ZNF207: variants seen among roughly 807,000 people sequenced by gnomAD.
The protein encoded by ZNF207 is BUB3-interacting and GLEBS motif-containing protein ZNF207.
In ZNF207, 24 loss-of-function variants were observed where a neutral mutation model predicts 60.2. The observed-to-expected ratio is 0.40, with a 90% confidence interval of 0.29 to 0.56. The LOEUF (loss-of-function observed/expected upper bound fraction) is 0.56, where lower values mean the gene tolerates loss of function less well. Ranked by LOEUF, ZNF207 falls within the 20% of genes least tolerant of loss-of-function variation. The pLI, the probability that ZNF207 is intolerant of heterozygous loss-of-function variation, is 0.49. For synonymous variants in ZNF207, 236 were observed against 194.7 expected, an observed-to-expected ratio of 1.21 and a Z score of -1.77; for missense variants, 452 against 636.6, an observed-to-expected ratio of 0.71 and a Z score of 3.12.
In ZNF207 at chr17:32,380,055, T is replaced by TA. The variant is rs976909789; in HGVS notation, c.*10297dup. On this transcript the variant is annotated 3_prime_UTR_variant, in exon 12 of 12. Transcript: ENST00000394670. Reference sequence around the variant, plus strand: ...TAAAATCTGAAAATCAATACCTGAGTATGTGATGTGGCAATGCATTCTTCT... The same window carrying TA: ...TAAAATCTGAAAATCAATACCTGAGTAATGTGATGTGGCAATGCATTCTTCT... 19 of 152,542 alleles carry TA rather than the reference T, an allele frequency of 1.2e-4. No individual in the cohort carries two copies. The highest frequency in any genetic ancestry group is 1.0e-3 in the Admixed American group (16 of 15,264). 9.4% of individuals were successfully genotyped at this position (152,542 alleles called of 1,614,324 possible). A position where few individuals can be genotyped will look rare whatever the true frequency, so the allele number is the denominator to read the frequency against.
At position 32,373,256 on chromosome 17, in the gene ZNF207, T is replaced by C. The variant is rs1905545443; in HGVS notation, c.*3497T>C. The C allele has an allele frequency of 2.1e-6, 1 of 480,738 alleles. No homozygotes were observed. The highest frequency in any genetic ancestry group is 3.7e-6 in the Non-Finnish European group (1 of 269,204). The allele number at this position is 480,738 out of a possible 1,614,324, so 29.8% of individuals were successfully genotyped here. On this transcript the variant is annotated 3_prime_UTR_variant, in exon 12 of 12. Transcript: ENST00000394670. ...AAAGAAGTACGGGCTCAGAGTGGAA[T>C]TGTAGTGGACAATAGTTAAAAACAA... is the stretch of plus-strand genomic sequence containing the variant.
At position 32,381,596 on chromosome 17, in the gene ZNF207, A is replaced by G. The variant is rs1296141342; in HGVS notation, c.*11837A>G. 6.6e-6 allele frequency: 1 copy of G among 152,198 alleles called. No individual in the cohort carries two copies. The highest frequency in any genetic ancestry group is 1.5e-5 in the Non-Finnish European group (1 of 68,038). The allele number at this position is 152,198 out of a possible 1,614,324, so 9.4% of individuals were successfully genotyped here. A position where few individuals can be genotyped will look rare whatever the true frequency, so the allele number is the denominator to read the frequency against. ...CTGAGATGTTCCTTAACATGTAGCC[A>G]TGTAATTAGAACTCACAAGGGGCAT... is the stretch of plus-strand genomic sequence containing the variant. On this transcript the variant is annotated 3_prime_UTR_variant, in exon 12 of 12. Coordinates refer to ENST00000394670, the MANE Select transcript of ZNF207 (RefSeq NM_001098507.2).
chr17:32,366,575 AT>A, intron 8 of ZNF207, 89 bp from the exon 9 acceptor site: 1 of 1,003,916 alleles, frequency 1.0e-6, no homozygotes, highest in Middle Eastern at 2.2e-4. Flanking sequence ...GCATTTACAA[AT>A]ATGCAATCTA....
chr17:32,373,409 G>T lies in ZNF207; in HGVS notation c.*3650G>T. The T allele has an allele frequency of 1.4e-6, 1 of 691,680 alleles. No individual in the cohort carries two copies. Among genetic ancestry groups the T allele is most frequent in the South Asian group, 1.5e-5 (1 of 65,386 alleles). 42.8% of individuals were successfully genotyped at this position (691,680 alleles called of 1,614,324 possible). A position where few individuals can be genotyped will look rare whatever the true frequency, so the allele number is the denominator to read the frequency against. ...TTCTTCTTCCTATAGCCCTGCCATA[G>T]GACAGGCTGAGGCTGAGTCTCAGTG... On this transcript the variant is annotated 3_prime_UTR_variant, in exon 12 of 12. Transcript: ENST00000394670.
Position 32,370,590 on chromosome 17 carries a change from G to A in ZNF207, c.*831G>A, listed in dbSNP as rs1905423551. 2 of 152,202 alleles carry A rather than the reference G, an allele frequency of 1.3e-5. No individual in the cohort carries two copies. Among genetic ancestry groups the A allele is most frequent in the African/African-American group, 4.8e-5 (2 of 41,444 alleles). 9.4% of individuals were successfully genotyped at this position (152,202 alleles called of 1,614,324 possible). A position where few individuals can be genotyped will look rare whatever the true frequency, so the allele number is the denominator to read the frequency against. On this transcript the variant is annotated 3_prime_UTR_variant, in exon 12 of 12. Transcript: ENST00000394670. Reference sequence around the variant, plus strand: ...AGATACATGAGTCATTACATAATGGGTATGAAATCTTTATAATCACCCTTC... The same window carrying A: ...AGATACATGAGTCATTACATAATGGATATGAAATCTTTATAATCACCCTTC...
chr17:32,376,804 A>G lies in ZNF207; in HGVS notation c.*7045A>G, dbSNP rs1186214226. The G allele has an allele frequency of 6.6e-6, 1 of 152,078 alleles. No homozygotes were observed. Among genetic ancestry groups the G allele is most frequent in the East Asian group, 1.9e-4 (1 of 5,198 alleles). 9.4% of individuals were successfully genotyped at this position (152,078 alleles called of 1,614,324 possible). On this transcript the variant is annotated 3_prime_UTR_variant, in exon 12 of 12. Coordinates refer to ENST00000394670, the MANE Select transcript of ZNF207 (RefSeq NM_001098507.2). Reference sequence around the variant, plus strand: ...CCTCAGAGGAGGTACATGTGAGTAAACTGTCTTAATGGTTGATTACTTGGA... The same window carrying G: ...CCTCAGAGGAGGTACATGTGAGTAAGCTGTCTTAATGGTTGATTACTTGGA...
chr17:32,360,179 C>A lies in ZNF207; in HGVS notation c.308-419C>A, dbSNP rs1359446105. 2.8e-5 allele frequency among the ~76,000 whole-genome samples: 3 copies of A among 105,630 alleles called. No individual in the cohort carries two copies. In the South Asian group the frequency reaches 8.9e-4, roughly 31 times the overall value. The allele number at this position is 105,630 out of a possible 152,430, so 69.3% of individuals were successfully genotyped here. ...AAAAGTTCAAGACCTCACCTTTACCCCCCCCCCAAAAAAAAAAAAAAAAAG... is the reference window on the plus strand; with the variant it reads ...AAAAGTTCAAGACCTCACCTTTACCACCCCCCCAAAAAAAAAAAAAAAAAG... On this transcript the variant is annotated intron_variant, in intron 3 of 11. Coordinates refer to ENST00000394670, the MANE Select transcript of ZNF207 (RefSeq NM_001098507.2).
At chr17:32,353,618 C>T (rs1904321767) in intron 2 of ZNF207, among the ~76,000 whole-genome samples, 1 of 136,508 alleles carries the variant, frequency 7.3e-6, no homozygotes, top group Non-Finnish European at 1.5e-5. Context: ...CCCATCTCTA[C>T]AAATACCAAA....
chr17:32,369,074 G>T (rs558010636), intron 10 of ZNF207: 25 of 487,010 alleles, frequency 5.1e-5, no homozygotes, highest in Admixed American at 3.2e-4. Context: ...GTAATTCCCG[G>T]AAAGTTGTTA....
At position 32,351,831 on chromosome 17, in the gene ZNF207, C is replaced by T. The variant is rs1262975221; in HGVS notation, c.87C>T (p.His29=). The T allele has an allele frequency of 4.3e-6, 7 of 1,610,418 alleles. No homozygotes were observed. The highest frequency in any genetic ancestry group is 2.2e-5 in the East Asian group (1 of 44,790). The change falls in exon 2 of 12, where the codon CAC becomes CAT. Residue 29 remains histidine (H), a synonymous_variant. Transcript: ENST00000394670. ...DFDDEKILIQ[H]QKAKHFKCHI... ...ATGATGAGAAGATCCTTATTCAGCA[C>T]CAAAAAGCAAAGCATTTTAAATGCC...
chr17:32,352,122 C>G (rs2041519416), intron 2 of ZNF207, among the ~76,000 whole-genome samples: 3 of 152,272 alleles, frequency 2.0e-5, no homozygotes, highest in South Asian at 4.1e-4. Flanking sequence ...CAGCCGCCAC[C>G]ATGCCCGGCT....
At chr17:32,362,814 A>T in intron 6 of ZNF207, 100 bp from the exon 7 acceptor site, 1 of 856,002 alleles carries the variant, frequency 1.2e-6, no homozygotes, top group South Asian at 1.9e-5. Flanking sequence ...GTCAGATTCA[A>T]GTCTTCTATC....
chr17:32,356,006 A>G (rs952611014), intron 2 of ZNF207, among the ~76,000 whole-genome samples: 9 of 152,160 alleles, frequency 5.9e-5, no homozygotes, highest in African/African-American at 1.4e-4. Context: ...GGAAGCTTCA[A>G]GGTTAGTTGA....
intron 2 of ZNF207, among the ~76,000 whole-genome samples, chr17:32,357,931 C>A (rs1475090736): frequency 6.6e-6 from 1 of 152,126 alleles, no homozygotes; most frequent in Admixed American, 6.6e-5. Flanking sequence ...AGGCAGACCC[C>A]ACCACACCCG....
Position 32,378,327 on chromosome 17 carries a change from G to C in ZNF207, c.*8568G>C, listed in dbSNP as rs17806082. 0.37 allele frequency: 56,115 copies of C among 151,784 alleles called. 11,451 individuals carry two copies. Among genetic ancestry groups the C allele is most frequent in the Non-Finnish European group, 0.45 (30,610 of 67,756 alleles). The allele number at this position is 151,784 out of a possible 1,614,324, so 9.4% of individuals were successfully genotyped here. On this transcript the variant is annotated 3_prime_UTR_variant, in exon 12 of 12. Coordinates refer to ENST00000394670, the MANE Select transcript of ZNF207 (RefSeq NM_001098507.2). ...GGTCTTTTACTTAAGCTATTTCATG[G>C]TGGTTCTCTCATTCACCTTTTAACT... is the stretch of plus-strand genomic sequence containing the variant.
Position 32,381,793 on chromosome 17 carries a change from CTT to C in ZNF207, c.*12036_*12037del, listed in dbSNP as rs948453580. 6 of 152,160 alleles carry C rather than the reference CTT, an allele frequency of 3.9e-5. No individual in the cohort carries two copies. The highest frequency in any genetic ancestry group is 1.4e-4 in the African/African-American group (6 of 41,436). 9.4% of individuals were successfully genotyped at this position (152,160 alleles called of 1,614,324 possible). A position where few individuals can be genotyped will look rare whatever the true frequency, so the allele number is the denominator to read the frequency against. On this transcript the variant is annotated 3_prime_UTR_variant, in exon 12 of 12. Transcript: ENST00000394670. ...TTTGCTTCTGCGTTATTAAGAGCCT[CTT>C]TGTTTGGAGGAGATGGTTATCTCCT...
chr17:32,356,398 A>C (rs1032778360), intron 2 of ZNF207, among the ~76,000 whole-genome samples: 1 of 152,240 alleles, frequency 6.6e-6, no homozygotes, highest in Non-Finnish European at 1.5e-5. Context: ...GGAAACGGCA[A>C]TTAAGTCACT....
In ZNF207 at chr17:32,373,318, TAAAA is replaced by T. The variant is rs889506926; in HGVS notation, c.*3567_*3570del. 3.6e-6 allele frequency: 2 copies of T among 552,330 alleles called. No individual in the cohort carries two copies. Among genetic ancestry groups the T allele is most frequent in the African/African-American group, 3.9e-5 (2 of 51,588 alleles). 34.2% of individuals were successfully genotyped at this position (552,330 alleles called of 1,614,324 possible). On this transcript the variant is annotated 3_prime_UTR_variant, in exon 12 of 12. Transcript: ENST00000394670. Reference sequence around the variant, plus strand: ...TTGCTTGCTTGATCATTGGGATTTTTAAAAAAAAAAATTTTAATGCATGTCTTTT... The same window carrying T: ...TTGCTTGCTTGATCATTGGGATTTTTAAAAAAATTTTAATGCATGTCTTTT...
intron 11 of ZNF207, 37 bp from the exon 12 acceptor site, chr17:32,369,559 TAAC>T (rs754862814): frequency 8.8e-5 from 139 of 1,570,902 alleles, no homozygotes; most frequent in Middle Eastern, 3.4e-4. Context: ...TACAATGCGT[TAAC>T]AATCTATTTT....
Sources: allele counts gnomAD v4.1 joint callset (sites outside exome capture counted in the v4.1 genomes callset), GRCh38; gene constraint gnomAD v4.1.1; transcripts MANE v1.5; gene names NCBI Gene and HGNC (gene_info 2026-07-23, HGNC 2026-07-21).